Variants in BRD10 observed in about 807,000 individuals in gnomAD.
BRD10 encodes the protein uncharacterized bromodomain-containing protein 10.
chr9:5,906,284 C>G, the BRD10 span, among the ~76,000 whole-genome samples: 4 of 148,336 alleles, frequency 2.7e-5, no homozygotes, highest in African/African-American at 7.5e-5. Context: ...GAGCCGAGAT[C>G]GTGCCATTAT....
At chr9:5,943,402 CTTTA>C in the BRD10 span, among the ~76,000 whole-genome samples, 9 of 152,132 alleles carry the variant, frequency 5.9e-5, no homozygotes, top group Middle Eastern at 3.4e-3. Flanking sequence ...AAATTGGCAA[CTTTA>C]TTTAACAGAA....
the BRD10 span, among the ~76,000 whole-genome samples, chr9:5,925,411 TC>T: frequency 6.6e-6 from 1 of 151,716 alleles, no homozygotes; most frequent in African/African-American, 2.4e-5. Flanking sequence ...TCTGCAAATT[TC>T]AGAATAAAGA....
At chr9:6,001,695 C>T in the BRD10 span, among the ~76,000 whole-genome samples, 19 of 152,316 alleles carry the variant, frequency 1.2e-4, no homozygotes, top group East Asian at 3.3e-3. Flanking sequence ...CATTATTCTA[C>T]CCACTCTTCA....
At chr9:5,930,369 TTATATA>T in the BRD10 span, among the ~76,000 whole-genome samples, 213 of 135,300 alleles carry the variant, frequency 1.6e-3, no homozygotes, top group Admixed American at 2.5e-3. Flanking sequence ...TATAAGGAGA[TTATATA>T]TATATATATA....
chr9:5,965,222 G>C, the BRD10 span, among the ~76,000 whole-genome samples: 1 of 151,842 alleles, frequency 6.6e-6, no homozygotes. Context: ...TCATACATCA[G>C]TCATGAATGA....
At chr9:5,993,312 T>TAAAAAA in the BRD10 span, among the ~76,000 whole-genome samples, 15 of 116,688 alleles carry the variant, frequency 1.3e-4, no homozygotes, top group South Asian at 5.7e-4. Flanking sequence ...GAGACTCCAT[T>TAAAAAA]AAAAAAAAAA....
At chr9:5,897,858 CCT>C in the BRD10 span, among the ~76,000 whole-genome samples, 1 of 152,238 alleles carries the variant, frequency 6.6e-6, no homozygotes, top group East Asian at 1.9e-4. Context: ...AGGAACTTGC[CCT>C]GTGTCTTAGT....
the BRD10 span, among the ~76,000 whole-genome samples, chr9:5,935,390 G>A: frequency 6.6e-6 from 1 of 152,130 alleles, no homozygotes; most frequent in Non-Finnish European, 1.5e-5. Flanking sequence ...GCTTTGTAGC[G>A]GGGGAAAAAC....
the BRD10 span, chr9:5,922,843 T>G: frequency 6.2e-7 from 1 of 1,614,022 alleles, no homozygotes; most frequent in Non-Finnish European, 8.5e-7. Context: ...GGCAGGTCAA[T>G]GCTGGCTTTA....
At chr9:5,923,306 T>A in the BRD10 span, 2 of 1,586,544 alleles carry the variant, frequency 1.3e-6, no homozygotes, top group Non-Finnish European at 1.7e-6. Context: ...CAACTTCATA[T>A]CATCTGAAAA....
chr9:5,920,148 A>T, the BRD10 span: 1 of 1,613,794 alleles, frequency 6.2e-7, no homozygotes, highest in African/African-American at 1.3e-5. Context: ...CCACTTAAGG[A>T]ATTATTTGAT....
the BRD10 span, among the ~76,000 whole-genome samples, chr9:5,947,601 A>T: frequency 2.0e-5 from 3 of 152,186 alleles, no homozygotes; most frequent in East Asian, 5.8e-4. Context: ...CTCTATATGT[A>T]TATTTAATGT....
chr9:5,927,224 G>C, the BRD10 span, among the ~76,000 whole-genome samples: 1 of 152,056 alleles, frequency 6.6e-6, no homozygotes, highest in Non-Finnish European at 1.5e-5. Flanking sequence ...ACTTTCACAT[G>C]CTCACACCTC....
the BRD10 span, among the ~76,000 whole-genome samples, chr9:5,879,399 A>G: frequency 3.9e-5 from 6 of 151,948 alleles, no homozygotes; most frequent in African/African-American, 1.4e-4. Flanking sequence ...AAAGAAAAAG[A>G]GAAAAAAGAA....
At chr9:5,961,229 A>C in the BRD10 span, among the ~76,000 whole-genome samples, 13 of 152,238 alleles carry the variant, frequency 8.5e-5, no homozygotes, top group Non-Finnish European at 1.6e-4. Context: ...CAACTATAAT[A>C]AGTATTACGA....
At chr9:5,935,159 A>G in the BRD10 span, among the ~76,000 whole-genome samples, 7,892 of 152,236 alleles carry the variant, frequency 0.052, 696 homozygotes, top group African/African-American at 0.18. Flanking sequence ...AACATGAACT[A>G]TTATATATGC....
At chr9:5,965,056 T>TAAA in the BRD10 span, among the ~76,000 whole-genome samples, 1 of 118,272 alleles carries the variant, frequency 8.5e-6, no homozygotes, top group Admixed American at 8.9e-5. Flanking sequence ...TAAAGTATAA[T>TAAA]AAAAAAAAAA....
chr9:5,978,845 T>A, the BRD10 span, among the ~76,000 whole-genome samples: 1 of 152,230 alleles, frequency 6.6e-6, no homozygotes, highest in Non-Finnish European at 1.5e-5. Flanking sequence ...TGCTACCTGA[T>A]GTTGTTCATG....
At chr9:5,884,542 T>C in the BRD10 span, among the ~76,000 whole-genome samples, 1 of 152,198 alleles carries the variant, frequency 6.6e-6, no homozygotes, top group South Asian at 2.1e-4. Flanking sequence ...GGTGAATGCC[T>C]ACTTAACTTC....
Sources: gnomAD v4.1 joint callset for allele counts (sites outside exome capture counted in the v4.1 genomes callset) on GRCh38, gnomAD v4.1.1 for gene constraint, MANE v1.5 for transcripts, NCBI Gene and HGNC (gene_info 2026-07-23, HGNC 2026-07-21) for gene names.